The following CFH variants were observed in gnomAD, a reference collection of about 807,000 sequenced individuals.
CFH encodes the protein complement factor H, also known as H factor 1 (complement).
A neutral mutation model predicts 147.3 loss-of-function variants in CFH; 53 were observed. The observed-to-expected ratio is 0.36, with a 90% confidence interval of 0.29 to 0.45. The LOEUF (loss-of-function observed/expected upper bound fraction) is 0.45. Among genes scored for constraint, CFH ranks in the 20% least tolerant of loss-of-function variants. The probability of loss-of-function intolerance (pLI) is 1.00; values close to 1 mark genes in which losing one functional copy is unlikely to be tolerated. For synonymous variants in CFH, 536 were observed against 489.4 expected (o/e 1.10, Z -1.26); for missense variants, 1,380 against 1,498.0 (o/e 0.92, Z 1.30).
At chr1:196,730,127 A>G (rs766846985) in intron 15 of CFH, among the ~76,000 whole-genome samples, 4 of 151,654 alleles carry the variant, frequency 2.6e-5, no homozygotes, top group Non-Finnish European at 5.9e-5. Flanking sequence ...TAATTTTGGA[A>G]TTGACTAGTT....
At chr1:196,672,510 G>T (rs1389195908) in intron 1 of CFH, among the ~76,000 whole-genome samples, 1 of 152,088 alleles carries the variant, frequency 6.6e-6, no homozygotes, top group African/African-American at 2.4e-5. Flanking sequence ...TACCTGTAAT[G>T]CATATTATAC....
intron 15 of CFH, among the ~76,000 whole-genome samples, chr1:196,731,784 G>A (rs7514261): frequency 0.44 from 66,650 of 151,464 alleles, 14,794 homozygotes; most frequent in South Asian, 0.56. Context: ...CTTGGCAGTT[G>A]TTTTCTTTCA....
At chr1:196,684,039 A>G (rs1667742964) in intron 6 of CFH, among the ~76,000 whole-genome samples, 1 of 151,976 alleles carries the variant, frequency 6.6e-6, no homozygotes, top group Non-Finnish European at 1.5e-5. Context: ...TAAAATGCAT[A>G]GTATTTTATC....
chr1:196,688,960 A>G (rs1157225611), intron 7 of CFH, among the ~76,000 whole-genome samples: 1 of 152,082 alleles, frequency 6.6e-6, no homozygotes, highest in Non-Finnish European at 1.5e-5. Flanking sequence ...TCAAAATACT[A>G]CTTCCTTACA....
At chr1:196,725,641 C>T (rs575001225) in intron 12 of CFH, among the ~76,000 whole-genome samples, 7 of 152,226 alleles carry the variant, frequency 4.6e-5, no homozygotes, top group African/African-American at 1.4e-4. Context: ...AATTCAAGAT[C>T]GGGCATCTGC....
intron 19 of CFH, among the ~76,000 whole-genome samples, chr1:196,742,370 C>T (rs182185800): frequency 2.0e-5 from 3 of 151,768 alleles, no homozygotes; most frequent in East Asian, 3.9e-4. Context: ...AGTGAGATTC[C>T]GTCTCAAAAA....
At chr1:196,741,485 C>A (rs1383102321) in intron 18 of CFH, 1 of 260,392 alleles carries the variant, frequency 3.8e-6, no homozygotes, top group African/African-American at 2.3e-5. Flanking sequence ...AAACTGCCAC[C>A]ATGATCCAAT....
At chr1:196,666,772 T>A in intron 1 of CFH, among the ~76,000 whole-genome samples, 1 of 129,212 alleles carries the variant, frequency 7.7e-6, no homozygotes. Context: ...GATTGGGCAC[T>A]CCAGCATGGG....
At chr1:196,718,906 C>T (rs1448489046) in intron 11 of CFH, among the ~76,000 whole-genome samples, 1 of 151,930 alleles carries the variant, frequency 6.6e-6, no homozygotes, top group East Asian at 1.9e-4. Flanking sequence ...GAAGAAATAC[C>T]AGCTTAGTAT....
chr1:196,676,050 A>G lies in CFH; in HGVS notation c.412A>G (p.Ile138Val). The part of the protein sequence containing the change: ...ECDTDGWTND[I>V]PICEVVKCLP... ...TGACACAGATGGATGGACCAATGAT[A>G]TTCCTATATGTGAAGGTAGACATAA... Residue 138 changes from isoleucine (I) to valine (V), a missense_variant, in exon 4 of 22, where the codon ATT (isoleucine) becomes GTT (valine). This residue lies in a region of CFH where 260 missense variants were observed against 263.3 expected (regional missense o/e 0.99). Coordinates refer to ENST00000367429, the MANE Select transcript of CFH (RefSeq NM_000186.4). 1 of 1,600,682 alleles carries G rather than the reference A, an allele frequency of 6.2e-7. No individual in the cohort carries two copies. Among genetic ancestry groups the G allele is most frequent in the Non-Finnish European group, 8.6e-7 (1 of 1,168,608 alleles).
intron 17 of CFH, among the ~76,000 whole-genome samples, chr1:196,739,384 C>A (rs1196686768): frequency 1.3e-5 from 2 of 152,174 alleles, no homozygotes; most frequent in Non-Finnish European, 2.9e-5. Flanking sequence ...TGCTCTGCTT[C>A]CTCTTGAGCT....
At chr1:196,690,674 G>A (rs887477011) in intron 9 of CFH, among the ~76,000 whole-genome samples, 3 of 152,100 alleles carry the variant, frequency 2.0e-5, no homozygotes, top group Non-Finnish European at 4.4e-5. Context: ...GAGAGAGAGC[G>A]GCACCTGAAA....
At chr1:196,726,430 A>T (rs1669138248) in intron 12 of CFH, 40 bp from the exon 13 acceptor site, 1 of 1,463,052 alleles carries the variant, frequency 6.8e-7, no homozygotes, top group African/African-American at 1.4e-5. Context: ...ATTGTAAAAC[A>T]GACAATTTAA....
chr1:196,742,445 T>C (rs966153971), intron 19 of CFH, among the ~76,000 whole-genome samples: 2 of 152,144 alleles, frequency 1.3e-5, no homozygotes, highest in African/African-American at 4.8e-5. Flanking sequence ...GTTTTGGGAA[T>C]AAAATATAGA....
chr1:196,715,628 A>G lies in CFH; in HGVS notation c.1555A>G (p.Thr519Ala), dbSNP rs1436234803. The G allele has an allele frequency of 1.2e-6, 2 of 1,612,762 alleles. No homozygotes were observed. The highest frequency in any genetic ancestry group is 1.7e-6 in the Non-Finnish European group (2 of 1,179,162). ...TATCCCAGTATTTATGAATGCCAGA[A>G]CTAAAAATGACTTCACATGGTTTAA... ...CDIPVFMNARTKNDFTWFKLN... is the reference protein window; with the variant it reads ...CDIPVFMNARAKNDFTWFKLN... Residue 519 changes from threonine (T) to alanine (A), a missense_variant, in exon 11 of 22, where the codon ACT becomes GCT. Physicochemically the swap from Thr to Ala is moderately conservative, Grantham distance 58 (BLOSUM62 0). Transcript: ENST00000367429.
intron 1 of CFH, among the ~76,000 whole-genome samples, chr1:196,666,362 G>A (rs1426080141): frequency 6.6e-6 from 1 of 151,768 alleles, no homozygotes; most frequent in Non-Finnish European, 1.5e-5. Flanking sequence ...TAATTCATTC[G>A]AGTTATATTT....
intron 11 of CFH, among the ~76,000 whole-genome samples, chr1:196,716,528 C>G (rs1668873849): frequency 6.6e-6 from 1 of 151,860 alleles, no homozygotes; most frequent in African/African-American, 2.4e-5. Flanking sequence ...GGATTGTTTT[C>G]CTGGATGCTG....
chr1:196,664,253 A>G (rs898795646), intron 1 of CFH, among the ~76,000 whole-genome samples: 1 of 151,918 alleles, frequency 6.6e-6, no homozygotes, highest in Admixed American at 6.6e-5. Context: ...TAGAGATGGG[A>G]TCTTGCTATA....
chr1:196,736,880 A>T lies in CFH; in HGVS notation c.2470A>T (p.Thr824Ser). The T allele has an allele frequency of 1.2e-6, 2 of 1,601,352 alleles. No homozygotes were observed. Among genetic ancestry groups the T allele is most frequent in the Non-Finnish European group, 1.7e-6 (2 of 1,173,030 alleles). ...TCAGATTCCCAATTCTCACAATATG[A>T]CAACCACACTGAATTATCGGGATGG... ...PPQIPNSHNMTTTLNYRDGEK... is the reference protein window; with the variant it reads ...PPQIPNSHNMSTTLNYRDGEK... Residue 824 changes from threonine (T) to serine (S), a missense_variant, in exon 16 of 22, where the codon ACA (threonine) becomes TCA (serine). By Grantham distance (58) the Thr-to-Ser change is moderately conservative. Transcript: ENST00000367429.
Sources: allele counts gnomAD v4.1 joint callset (sites outside exome capture counted in the v4.1 genomes callset), GRCh38; gene constraint gnomAD v4.1.1; regional missense constraint gnomAD v4.1.1; transcripts MANE v1.5; gene names NCBI Gene and HGNC (gene_info 2026-07-23, HGNC 2026-07-21).